Variants in C10orf53 observed in about 807,000 individuals in gnomAD.
C10orf53 encodes the protein chromosome 10 open reading frame 53.
C10orf53 carries 8 observed loss-of-function variants against 9.4 expected under a neutral mutation model. The observed-to-expected ratio is 0.85, with a 90% confidence interval of 0.50 to 1.53. The LOEUF is 1.53. Among genes scored for constraint, C10orf53 ranks in the 40% most tolerant of loss-of-function variants. C10orf53 has a pLI of 0.00. For synonymous variants in C10orf53, 48 were observed against 46.0 expected (o/e 1.04, Z -0.18); for missense variants, 117 against 117.8 (o/e 0.99, Z 0.03).
intron 1 of C10orf53, among the ~76,000 whole-genome samples, chr10:49,681,417 C>A (rs1840478071): frequency 6.6e-6 from 1 of 152,146 alleles, no homozygotes; most frequent in African/African-American, 2.4e-5. Flanking sequence ...TCAGGGAAAG[C>A]CTCCTGGAAG....
chr10:49,687,397 G>A (rs1369272684), intron 1 of C10orf53, among the ~76,000 whole-genome samples: 1 of 152,144 alleles, frequency 6.6e-6, no homozygotes, highest in South Asian at 2.1e-4. Flanking sequence ...ACCTCTCCCT[G>A]GTCACTTATC....
chr10:49,693,054 A>C (rs1840599842), intron 1 of C10orf53, among the ~76,000 whole-genome samples: 1 of 152,200 alleles, frequency 6.6e-6, no homozygotes, highest in South Asian at 2.1e-4. Flanking sequence ...TATATATTTT[A>C]AACATGTATT....
exon 3 of C10orf53, chr10:49,708,835 A>T: frequency 1.5e-6 from 1 of 653,910 alleles, no homozygotes; most frequent in Non-Finnish European, 2.5e-6. Context: ...CCCGTGTTGA[A>T]GTTATGATCG....
rs565162167 is a variant in C10orf53 at position 49,704,186 on chromosome 10, T to C, written c.218-4175T>C. Among the ~76,000 whole-genome samples, 9 of 152,248 alleles carry C rather than the reference T, an allele frequency of 5.9e-5. No homozygotes were observed. The South Asian group carries it at 1.9e-3, about 32-fold the overall frequency. ...AAGAAAAAAATGATTAAATTCAACT[T>C]CATAAGAAGAAAAGTGGTTTTGTGT... On this transcript the variant is annotated intron_variant, in intron 2 of 2. Transcript: ENST00000374112.
chr10:49,680,715 A>T (rs1840470832), intron 1 of C10orf53, among the ~76,000 whole-genome samples: 1 of 152,142 alleles, frequency 6.6e-6, no homozygotes. Context: ...CTGAGATGAG[A>T]GTAGCTTGGA....
intron 2 of C10orf53, among the ~76,000 whole-genome samples, chr10:49,703,736 AC>A (rs1840703410): frequency 6.6e-6 from 1 of 152,220 alleles, no homozygotes; most frequent in South Asian, 2.1e-4. Context: ...GCTGGATATA[AC>A]AGGCAGACTC....
Position 49,679,759 on chromosome 10 carries a change from T to A in C10orf53, c.62T>A (p.Val21Glu). The change falls in exon 1 of 3, where the codon GTG becomes GAG. Residue 21 changes from valine to glutamate, a missense_variant. By Grantham distance (121) the Val-to-Glu change is moderately radical. Coordinates refer to ENST00000374111, the MANE Select transcript of C10orf53 (RefSeq NM_001042427.3). ...CCCTACAGCGCGGCAGGCCTACCGG[T>A]GGAGCACCACACCTTCCGCCTGCAG... The part of the protein sequence containing the change: ...YGPYSAAGLP[V>E]EHHTFRLQGL... 6.5e-7 allele frequency: 1 copy of A among 1,546,296 alleles called. No individual in the cohort carries two copies. The highest frequency in any genetic ancestry group is 8.7e-7 in the Non-Finnish European group (1 of 1,145,692).
chr10:49,702,949 G>A (rs1172274014), intron 2 of C10orf53, among the ~76,000 whole-genome samples: 2 of 152,058 alleles, frequency 1.3e-5, no homozygotes, highest in African/African-American at 4.8e-5. Context: ...GAAGGAGGAA[G>A]GGACAAAAAG....
intron 1 of C10orf53, among the ~76,000 whole-genome samples, 195 bp downstream of exon 1, chr10:49,679,989 G>T (rs1350354628): frequency 6.6e-6 from 1 of 152,254 alleles, no homozygotes; most frequent in African/African-American, 2.4e-5. Context: ...ATCCAAGAGT[G>T]AGCTGTGGGC....
At chr10:49,690,125 G>A (rs771308422) in intron 1 of C10orf53, among the ~76,000 whole-genome samples, 2 of 152,132 alleles carry the variant, frequency 1.3e-5, no homozygotes, top group Non-Finnish European at 2.9e-5. Flanking sequence ...GCAGGCGCAG[G>A]TGGCTCTTCC....
At chr10:49,708,500 A>T (rs773784390) in exon 3 of C10orf53, 3 of 1,614,048 alleles carry the variant, frequency 1.9e-6, no homozygotes, top group Admixed American at 3.3e-5. Flanking sequence ...CTTGTACTGT[A>T]TTGGCCCAGA....
At position 49,694,638 on chromosome 10, in the gene C10orf53, C is replaced by T. The variant is rs1055421; in HGVS notation, c.*36C>T. The T allele has an allele frequency of 0.45, 732,800 of 1,613,000 alleles. 170,494 individuals are homozygous for T. The highest frequency in any genetic ancestry group is 0.5 in the Middle Eastern group (3,015 of 6,058). The stretch of plus-strand genomic sequence containing the variant: ...GAACAGGCATCTCAAGTCGGCACAA[C>T]AGCAGCTGCCCCAGCCATTCTATGA... On this transcript the variant is annotated 3_prime_UTR_variant, in exon 3 of 3. Transcript: ENST00000374111.
rs1840620788 is a variant in C10orf53 at position 49,694,932 on chromosome 10, A to G, written c.*330A>G. 9.3e-7 allele frequency: 1 copy of G among 1,075,696 alleles called. No individual in the cohort carries two copies. The highest frequency in any genetic ancestry group is 1.6e-5 in the African/African-American group (1 of 60,788). The allele number at this position is 1,075,696 out of a possible 1,614,324, so 66.6% of individuals were successfully genotyped here. ...GTGCCATTCCTGACTAATAACACAT[A>G]GTTGCCAGAAGCATCTGAGATTCCA... On this transcript the variant is annotated 3_prime_UTR_variant, in exon 3 of 3. Transcript: ENST00000374111.
Position 49,694,792 on chromosome 10 carries a change from A to G in C10orf53, c.*190A>G, listed in dbSNP as rs1371993494. On this transcript the variant is annotated 3_prime_UTR_variant, in exon 3 of 3. Transcript: ENST00000374111. ...CCTGGCTGCACAGGAGCCCACAGAA[A>G]TAATAAAAACCACATCATTTATAAC... is the stretch of plus-strand genomic sequence containing the variant. 6 of 1,400,674 alleles carry G rather than the reference A, an allele frequency of 4.3e-6. No individual in the cohort carries two copies. Among genetic ancestry groups the G allele is most frequent in the Non-Finnish European group, 5.6e-6 (6 of 1,080,586 alleles). 86.8% of individuals were successfully genotyped at this position (1,400,674 alleles called of 1,614,324 possible). A position where few individuals can be genotyped will look rare whatever the true frequency, so the allele number is the denominator to read the frequency against.
chr10:49,702,638 T>C (rs1431383657), intron 2 of C10orf53, among the ~76,000 whole-genome samples: 1 of 152,210 alleles, frequency 6.6e-6, no homozygotes, highest in Non-Finnish European at 1.5e-5. Flanking sequence ...TACTCTTGGG[T>C]CTCCAGCTTT....
At chr10:49,691,629 A>G (rs1248254712) in intron 1 of C10orf53, among the ~76,000 whole-genome samples, 1 of 152,100 alleles carries the variant, frequency 6.6e-6, no homozygotes, top group Non-Finnish European at 1.5e-5. Context: ...GCACCCCTCA[A>G]CTCAATAGGG....
chr10:49,705,013 G>T (rs771022838), intron 2 of C10orf53, among the ~76,000 whole-genome samples: 20 of 152,300 alleles, frequency 1.3e-4, no homozygotes, highest in Admixed American at 5.2e-4. Context: ...ATTGAAAGCT[G>T]CCCTGTATCA....
At chr10:49,682,186 A>T (rs1191189084) in intron 1 of C10orf53, among the ~76,000 whole-genome samples, 1 of 152,208 alleles carries the variant, frequency 6.6e-6, no homozygotes, top group Non-Finnish European at 1.5e-5. Flanking sequence ...TGGAACCATC[A>T]CTATTCTCTC....
At position 49,697,171 on chromosome 10, in the gene C10orf53, T is replaced by A. The variant is rs1840643177; in HGVS notation, c.*2569T>A. Among the ~76,000 whole-genome samples, 1 of 152,138 alleles carries A rather than the reference T, an allele frequency of 6.6e-6. No homozygotes were observed. The highest frequency in any genetic ancestry group is 2.4e-5 in the African/African-American group (1 of 41,432). ...TCACGCCACTGCACTCCAGCCTGGGTGACAAAGTGAGACCCTGTCTCAGAA... is the reference window on the plus strand; with the variant it reads ...TCACGCCACTGCACTCCAGCCTGGGAGACAAAGTGAGACCCTGTCTCAGAA... On this transcript the variant is annotated 3_prime_UTR_variant, in exon 3 of 3. Coordinates refer to ENST00000374111, the MANE Select transcript of C10orf53 (RefSeq NM_001042427.3).
Sources: allele counts gnomAD v4.1 joint callset (sites outside exome capture counted in the v4.1 genomes callset), GRCh38; gene constraint gnomAD v4.1.1; transcripts MANE v1.5; gene names NCBI Gene and HGNC (gene_info 2026-07-23, HGNC 2026-07-21).